BNC2: variants seen among roughly 807,000 people sequenced by gnomAD.
BNC2 encodes basonuclin zinc finger protein 2.
In BNC2, 20 loss-of-function variants were observed where a neutral mutation model predicts 76.3. The observed-to-expected ratio is 0.26, with a 90% confidence interval of 0.18 to 0.38. The LOEUF (loss-of-function observed/expected upper bound fraction) is 0.38. BNC2 is among the 10% of genes least tolerant of loss of function. BNC2 has a pLI of 1.00. For missense variants in BNC2, 1,382 were observed against 1,399.8 expected (o/e 0.99, Z 0.20); for synonymous variants, 582 against 514.8 (o/e 1.13, Z -1.77).
rs1290133928 is a variant in BNC2, at chr9:16,435,571, G to A, written c.2623C>T (p.Arg875Cys). 4.3e-6 allele frequency: 7 copies of A among 1,613,972 alleles called. No individual in the cohort carries two copies. The highest frequency in any genetic ancestry group is 1.7e-5 in the Admixed American group (1 of 60,006). Reference sequence around the variant, plus strand: ...TTTACTGACCTGTCTCGGCTTCGGCGAGAGGGGAATGCAGCATTGCAACCA... The same window carrying A: ...TTTACTGACCTGTCTCGGCTTCGGCAAGAGGGGAATGCAGCATTGCAACCA... ...VAGCNAAFPS[R>C]RSRDRHSANI... Residue 875 changes from arginine (R) to cysteine (C), a missense_variant, in exon 6 of 7, where the codon CGC (arginine) becomes TGC (cysteine). By Grantham distance (180) the Arg-to-Cys change is radical (BLOSUM62 -3). Transcript: ENST00000380672.
In BNC2 at chr9:16,666,943, A is replaced by C. The variant is rs148528300; in HGVS notation, c.330+60854T>G. On this transcript the variant is annotated intron_variant, in intron 3 of 6. Coordinates refer to ENST00000380672, the MANE Select transcript of BNC2 (RefSeq NM_017637.6). Reference sequence around the variant, plus strand: ...AGTTAAAAAATTCACAGATAAATTCAAATAGTTATGAACTAGTACCAGAGT... The same window carrying C: ...AGTTAAAAAATTCACAGATAAATTCCAATAGTTATGAACTAGTACCAGAGT... Among the ~76,000 whole-genome samples the C allele has an allele frequency of 9.1e-4, 139 of 152,266 alleles. 1 individual carries two copies. The highest frequency in any genetic ancestry group is 3.1e-3 in the African/African-American group (128 of 41,548).
chr9:16,556,316 T>C (rs975378345), intron 4 of BNC2, among the ~76,000 whole-genome samples: 2 of 151,786 alleles, frequency 1.3e-5, no homozygotes, highest in African/African-American at 4.8e-5. Flanking sequence ...AAACTTTATT[T>C]ACACAAACAG....
chr9:16,633,803 T>A (rs193107246), intron 3 of BNC2, among the ~76,000 whole-genome samples: 1 of 152,302 alleles, frequency 6.6e-6, no homozygotes, highest in African/African-American at 2.4e-5. Flanking sequence ...AAAGAAAACA[T>A]CTAAAATGCA....
intron 1 of BNC2, among the ~76,000 whole-genome samples, chr9:16,744,170 C>T (rs1824934404): frequency 6.6e-6 from 1 of 152,096 alleles, no homozygotes; most frequent in African/African-American, 2.4e-5. Context: ...GGGTTTTCAC[C>T]ATGTTAGCCA....
At chr9:16,424,483 G>A (rs1295076017) in intron 6 of BNC2, among the ~76,000 whole-genome samples, 1 of 152,106 alleles carries the variant, frequency 6.6e-6, no homozygotes, top group Non-Finnish European at 1.5e-5. Flanking sequence ...ATTAGTTTTT[G>A]CCTTTATTTT....
At chr9:16,566,560 C>A (rs1819174434) in intron 4 of BNC2, among the ~76,000 whole-genome samples, 1 of 152,044 alleles carries the variant, frequency 6.6e-6, no homozygotes, top group Non-Finnish European at 1.5e-5. Flanking sequence ...GATTACAATG[C>A]ACTTTTAGTA....
chr9:16,512,100 C>T (rs1286408097), intron 5 of BNC2, among the ~76,000 whole-genome samples: 1 of 152,154 alleles, frequency 6.6e-6, no homozygotes, highest in African/African-American at 2.4e-5. Flanking sequence ...TGTGAATACA[C>T]ACAAACATAA....
chr9:16,869,832 CT>C (rs1819633170), intron 1 of BNC2, among the ~76,000 whole-genome samples: 1 of 152,174 alleles, frequency 6.6e-6, no homozygotes, highest in African/African-American at 2.4e-5. Flanking sequence ...GCACTTGGAA[CT>C]TTTTTTCAAC....
chr9:16,821,228 C>T (rs1308768830), intron 1 of BNC2, among the ~76,000 whole-genome samples: 1 of 132,334 alleles, frequency 7.6e-6, no homozygotes, highest in African/African-American at 2.8e-5. Flanking sequence ...AACAAAACTC[C>T]GTCTCAAAAA....
At chr9:16,548,406 T>TCG (rs34876908) in intron 5 of BNC2, among the ~76,000 whole-genome samples, 6,049 of 142,488 alleles carry the variant, frequency 0.042, 249 homozygotes, top group East Asian at 0.24. Context: ...TTCTTCTTCG[T>TCG]TTTTTTTTTT....
intron 3 of BNC2, among the ~76,000 whole-genome samples, chr9:16,701,928 C>A (rs1336356726): frequency 2.0e-5 from 2 of 100,526 alleles, no homozygotes; most frequent in African/African-American, 3.7e-5. Context: ...GGTGACAGAA[C>A]GAGACTCTCC....
At chr9:16,642,438 T>C (rs376689100) in intron 3 of BNC2, among the ~76,000 whole-genome samples, 3 of 152,172 alleles carry the variant, frequency 2.0e-5, no homozygotes, top group Non-Finnish European at 2.9e-5. Flanking sequence ...TTTTAACATA[T>C]TCTTCCTTAC....
intron 1 of BNC2, among the ~76,000 whole-genome samples, chr9:16,776,209 G>C (rs1020155382): frequency 1.3e-5 from 1 of 79,474 alleles, no homozygotes; most frequent in Non-Finnish European, 2.0e-5. Flanking sequence ...GAACCATCTC[G>C]GGCTCACTGC....
intron 6 of BNC2, among the ~76,000 whole-genome samples, chr9:16,423,331 C>T (rs1207013405): frequency 6.6e-6 from 1 of 151,932 alleles, no homozygotes; most frequent in African/African-American, 2.4e-5. Flanking sequence ...ATTTGGAAGG[C>T]AAGAAAGATA....
intron 5 of BNC2, among the ~76,000 whole-genome samples, chr9:16,490,890 G>A (rs1440287218): frequency 6.6e-6 from 1 of 152,164 alleles, no homozygotes; most frequent in African/African-American, 2.4e-5. Flanking sequence ...GTGCTCAAAG[G>A]TTTGCGGAGG....
intron 5 of BNC2, among the ~76,000 whole-genome samples, chr9:16,476,804 A>G (rs1821937786): frequency 6.6e-6 from 1 of 152,180 alleles, no homozygotes; most frequent in African/African-American, 2.4e-5. Flanking sequence ...TTCTACAGCT[A>G]TTTAATATTA....
chr9:16,777,052 G>A (rs1252210116), intron 1 of BNC2, among the ~76,000 whole-genome samples: 1 of 152,092 alleles, frequency 6.6e-6, no homozygotes, highest in East Asian at 1.9e-4. Context: ...CTTGAACCTA[G>A]GAGGCGGAGG....
At chr9:16,660,380 G>A (rs1197734718) in intron 3 of BNC2, among the ~76,000 whole-genome samples, 1 of 151,976 alleles carries the variant, frequency 6.6e-6, no homozygotes, top group Non-Finnish European at 1.5e-5. Flanking sequence ...CTTGAACCTG[G>A]GAGGCAGAAG....
At chr9:16,816,658 T>C (rs1265354987) in intron 1 of BNC2, among the ~76,000 whole-genome samples, 3 of 152,188 alleles carry the variant, frequency 2.0e-5, no homozygotes, top group African/African-American at 4.8e-5. Flanking sequence ...ACGGCACTTG[T>C]TAAAAAATTA....
Sources: gnomAD v4.1 joint callset for allele counts (sites outside exome capture counted in the v4.1 genomes callset) on GRCh38, gnomAD v4.1.1 for gene constraint, MANE v1.5 for transcripts, NCBI Gene and HGNC (gene_info 2026-07-23, HGNC 2026-07-21) for gene names.